Variants in KCNIP4 observed in about 807,000 individuals in gnomAD.
The protein encoded by KCNIP4 is potassium voltage-gated channel interacting protein 4, also known as Kv channel-interacting protein 4.
KCNIP4 carries 12 observed loss-of-function variants against 34.0 expected under a neutral mutation model. The observed-to-expected ratio is 0.35, with a 90% CI of 0.23 to 0.57. The LOEUF is 0.57. Ranked by LOEUF, KCNIP4 falls within the 20% of genes least tolerant of loss-of-function variation. KCNIP4 has a pLI of 0.83. For missense variants in KCNIP4, 238 were observed against 311.7 expected (o/e 0.76, Z 1.78); for synonymous variants, 124 against 102.2 (o/e 1.21, Z -1.29).
chr4:20,866,358 C>G (rs780897510), intron 2 of KCNIP4, among the ~76,000 whole-genome samples: 1 of 152,146 alleles, frequency 6.6e-6, no homozygotes, highest in Non-Finnish European at 1.5e-5. Context: ...TCAACATATG[C>G]AAATCAATAA....
At chr4:21,292,966 AAT>A (rs1399473360) in intron 1 of KCNIP4, among the ~76,000 whole-genome samples, 2 of 152,222 alleles carry the variant, frequency 1.3e-5, no homozygotes, top group African/African-American at 4.8e-5. Flanking sequence ...TGAATGAATG[AAT>A]ATCTATGACT....
intron 1 of KCNIP4, among the ~76,000 whole-genome samples, chr4:21,865,155 G>GA (rs1223247070): frequency 2.0e-5 from 3 of 151,788 alleles, no homozygotes; most frequent in South Asian, 2.1e-4. Flanking sequence ...TGAGAAGAGA[G>GA]AAAAAAATCC....
chr4:21,700,911 T>C (rs1208814705), intron 1 of KCNIP4, among the ~76,000 whole-genome samples: 1 of 152,152 alleles, frequency 6.6e-6, no homozygotes, highest in Admixed American at 6.6e-5. Flanking sequence ...TGGGGATATA[T>C]ATAAAAAATT....
chr4:21,398,850 A>C (rs1340000370), intron 1 of KCNIP4, among the ~76,000 whole-genome samples: 1 of 152,180 alleles, frequency 6.6e-6, no homozygotes, highest in African/African-American at 2.4e-5. Flanking sequence ...AAGACTTAAG[A>C]AATCACTTAT....
At chr4:21,158,561 C>A (rs867631510) in intron 1 of KCNIP4, among the ~76,000 whole-genome samples, 2 of 152,080 alleles carry the variant, frequency 1.3e-5, no homozygotes, top group South Asian at 2.1e-4. Flanking sequence ...TCAATAGATA[C>A]TGAAAAAGAA....
intron 1 of KCNIP4, among the ~76,000 whole-genome samples, chr4:21,365,884 C>G (rs1203458378): frequency 6.6e-6 from 1 of 152,172 alleles, no homozygotes; most frequent in East Asian, 1.9e-4. Context: ...TCTGAAATAT[C>G]TGAAATTACA....
At chr4:20,939,156 C>T (rs928834935) in intron 1 of KCNIP4, among the ~76,000 whole-genome samples, 1 of 152,078 alleles carries the variant, frequency 6.6e-6, no homozygotes, top group Non-Finnish European at 1.5e-5. Flanking sequence ...TTCCTTCCTA[C>T]CCTTCCTCAC....
chr4:21,763,951 T>C (rs1270342736), intron 1 of KCNIP4, among the ~76,000 whole-genome samples: 1 of 152,050 alleles, frequency 6.6e-6, no homozygotes, highest in African/African-American at 2.4e-5. Context: ...TGCTAGGAAA[T>C]GGGTTTCAGT....
intron 1 of KCNIP4, among the ~76,000 whole-genome samples, chr4:21,415,103 G>T (rs1724834569): frequency 6.6e-6 from 1 of 151,782 alleles, no homozygotes; most frequent in Non-Finnish European, 1.5e-5. Context: ...TTCCCCCCCA[G>T]TCCCCACTAC....
At chr4:21,528,708 A>C (rs1456343501) in intron 1 of KCNIP4, among the ~76,000 whole-genome samples, 2 of 458 alleles carry the variant, frequency 4.4e-3, no homozygotes, top group African/African-American at 0.017. Flanking sequence ...AGAAAGAAAG[A>C]AAGAAAGAAA....
At chr4:20,849,179 G>A (rs575438023) in intron 3 of KCNIP4, among the ~76,000 whole-genome samples, 3 of 152,240 alleles carry the variant, frequency 2.0e-5, no homozygotes, top group African/African-American at 7.2e-5. Flanking sequence ...CTGTGTGTGT[G>A]GTGAGCACTC....
rs75875869 is a variant in KCNIP4, at chr4:21,158,559, T to G, written c.62-275850A>C. 7.3e-3 allele frequency among the ~76,000 whole-genome samples: 1,108 copies of G among 152,268 alleles called. 21 individuals carry two copies. Among genetic ancestry groups the G allele is most frequent in the African/African-American group, 0.025 (1,048 of 41,572 alleles). On this transcript the variant is annotated intron_variant, in intron 1 of 8. Transcript: ENST00000382152. ...CTAAAAAAGTGATTATTTCAATAGA[T>G]ACTGAAAAAGAATTTGACAAAACTG...
chr4:21,093,512 G>T (rs748885841), intron 1 of KCNIP4, among the ~76,000 whole-genome samples: 35 of 151,918 alleles, frequency 2.3e-4, no homozygotes, highest in Non-Finnish European at 1.6e-4. Flanking sequence ...TATCCAAAAA[G>T]TTCTTTGGAT....
intron 1 of KCNIP4, among the ~76,000 whole-genome samples, chr4:21,019,938 A>T (rs1460216778): frequency 6.6e-6 from 1 of 152,170 alleles, no homozygotes; most frequent in Non-Finnish European, 1.5e-5. Flanking sequence ...AGCCTGGCAT[A>T]TTTATTTAAG....
chr4:21,065,009 G>GA (rs1210820670), intron 1 of KCNIP4, among the ~76,000 whole-genome samples: 3 of 152,072 alleles, frequency 2.0e-5, no homozygotes, highest in Non-Finnish European at 4.4e-5. Flanking sequence ...ATTAATTGAT[G>GA]AACTCAATTA....
At chr4:21,058,346 C>T (rs1743609104) in intron 1 of KCNIP4, among the ~76,000 whole-genome samples, 1 of 152,126 alleles carries the variant, frequency 6.6e-6, no homozygotes, top group Non-Finnish European at 1.5e-5. Flanking sequence ...TCCATTTATT[C>T]TGCAAGTGAT....
intron 1 of KCNIP4, among the ~76,000 whole-genome samples, chr4:21,254,478 C>G (rs146972760): frequency 6.6e-6 from 1 of 152,056 alleles, no homozygotes; most frequent in South Asian, 2.1e-4. Flanking sequence ...TAATAGGGCA[C>G]GGTTATGCAT....
chr4:21,165,833 A>G (rs1028275458), intron 1 of KCNIP4, among the ~76,000 whole-genome samples: 1 of 152,222 alleles, frequency 6.6e-6, no homozygotes, highest in African/African-American at 2.4e-5. Context: ...CCAATGCAGC[A>G]GCATTAAGAG....
intron 3 of KCNIP4, among the ~76,000 whole-genome samples, chr4:20,824,594 C>T (rs957128436): frequency 1.3e-5 from 2 of 152,082 alleles, no homozygotes; most frequent in African/African-American, 2.4e-5. Context: ...GCAGGAAAAT[C>T]GCTTGAACCC....
Sources: gnomAD v4.1 joint callset for allele counts (sites outside exome capture counted in the v4.1 genomes callset) on GRCh38, gnomAD v4.1.1 for gene constraint, MANE v1.5 for transcripts, NCBI Gene and HGNC (gene_info 2026-07-23, HGNC 2026-07-21) for gene names.